DLC1: variants seen among roughly 807,000 people sequenced by gnomAD.
DLC1 encodes DLC1 Rho GTPase activating protein.
Under a neutral mutation model 140.3 loss-of-function variants are expected in DLC1, and 54 were observed. The observed-to-expected ratio is 0.38, with a 90% confidence interval of 0.31 to 0.48. DLC1 has a LOEUF of 0.48. Ranked by LOEUF, DLC1 falls within the 20% of genes least tolerant of loss-of-function variation. The pLI is 0.96. For synonymous variants in DLC1, 986 were observed against 728.1 expected, an observed-to-expected ratio of 1.35 and a Z score of -5.70; for missense variants, 2,536 against 1,907.0, an observed-to-expected ratio of 1.33 and a Z score of -6.14.
chr8:13,459,200 A>G (rs1799545177), intron 2 of DLC1, among the ~76,000 whole-genome samples: 1 of 152,116 alleles, frequency 6.6e-6, no homozygotes, highest in Non-Finnish European at 1.5e-5. Context: ...CTTAATCTCT[A>G]GAGAATTTCT....
At chr8:13,271,422 A>G (rs898081385) in intron 5 of DLC1, among the ~76,000 whole-genome samples, 4 of 152,222 alleles carry the variant, frequency 2.6e-5, no homozygotes, top group East Asian at 3.9e-4. Flanking sequence ...GTGAGAGCCA[A>G]TGTACCACAG....
intron 1 of DLC1, among the ~76,000 whole-genome samples, chr8:13,590,492 T>G (rs1473929698): frequency 6.6e-6 from 1 of 152,100 alleles, no homozygotes; most frequent in Non-Finnish European, 1.5e-5. Flanking sequence ...TATCCAGTTC[T>G]GAGCATCTTG....
At chr8:13,312,502 A>C (rs925910026) in intron 4 of DLC1, among the ~76,000 whole-genome samples, 4 of 151,932 alleles carry the variant, frequency 2.6e-5, no homozygotes, top group Non-Finnish European at 5.9e-5. Flanking sequence ...ATCTCTAAGA[A>C]ATTTACAATT....
chr8:13,363,959 G>C (rs1050639771), intron 4 of DLC1, among the ~76,000 whole-genome samples: 1 of 152,176 alleles, frequency 6.6e-6, no homozygotes, highest in Non-Finnish European at 1.5e-5. Flanking sequence ...GAAGCTCTTT[G>C]AAATGTGAAA....
chr8:13,548,788 G>T (rs1803743229), intron 1 of DLC1, among the ~76,000 whole-genome samples: 2 of 151,968 alleles, frequency 1.3e-5, no homozygotes, highest in Non-Finnish European at 2.9e-5. Context: ...AAGCTTATTT[G>T]GGTTGGTATT....
At chr8:13,595,751 C>T (rs892815098) in intron 1 of DLC1, among the ~76,000 whole-genome samples, 7 of 151,848 alleles carry the variant, frequency 4.6e-5, no homozygotes, top group Admixed American at 4.6e-4. Context: ...CCAAAAATTG[C>T]CTGGGGTTTA....
At chr8:13,469,044 C>A (rs548991326) in intron 2 of DLC1, among the ~76,000 whole-genome samples, 1 of 151,980 alleles carries the variant, frequency 6.6e-6, no homozygotes, top group Non-Finnish European at 1.5e-5. Context: ...TGGTCTCGAA[C>A]GCCTGACCTC....
chr8:13,224,312 G>C (rs972703071), intron 5 of DLC1, among the ~76,000 whole-genome samples: 2 of 152,180 alleles, frequency 1.3e-5, no homozygotes, highest in African/African-American at 4.8e-5. Context: ...GTCATTTTCT[G>C]GAAGATCCTA....
At position 13,092,767 on chromosome 8, in the gene DLC1, G is replaced by A. The variant is rs752507184; in HGVS notation, c.3585C>T (p.Asp1195=). 7.4e-6 allele frequency: 12 copies of A among 1,614,066 alleles called. No individual in the cohort carries two copies. The highest frequency in any genetic ancestry group is 2.7e-5 in the African/African-American group (2 of 75,032). ...AIKAAIMLLP[D]ENREVLQTLL... is the part of the protein sequence containing the mutation. ...GGGTCTGCAGAACCTCCCGGTTCTC[G>A]TCAGGCAGCAGCATGATGGCAGCCT... Residue 1195 remains aspartate (D), a synonymous_variant, in exon 13 of 18, where the codon GAC becomes GAT. Coordinates refer to ENST00000276297, the MANE Select transcript of DLC1 (RefSeq NM_182643.3).
rs936529614 is a variant in DLC1 at position 13,100,143 on chromosome 8, T to A, written c.2194A>T (p.Arg732Trp). The A allele has an allele frequency of 6.2e-7, 1 of 1,614,164 alleles. No homozygotes were observed. The highest frequency in any genetic ancestry group is 8.5e-7 in the Non-Finnish European group (1 of 1,180,028). Residue 732 changes from arginine (R) to tryptophan (W), a missense_variant, in exon 9 of 18, where the codon AGG (arginine) becomes TGG (tryptophan). Arg to Trp is a moderately radical substitution (Grantham distance 101). Transcript: ENST00000276297. The stretch of plus-strand genomic sequence containing the variant: ...GTCTGCGTGGAGTTGGAAACGCTCC[T>A]CTTTCGTACCATGGGGACGTTGATG... ...NRINVPMVRK[R>W]SVSNSTQTSS...
chr8:13,532,185 G>C (rs1445279439), intron 1 of DLC1, among the ~76,000 whole-genome samples: 1 of 152,242 alleles, frequency 6.6e-6, no homozygotes, highest in Non-Finnish European at 1.5e-5. Flanking sequence ...CAGGGGGATA[G>C]CTTGAGCCCA....
At chr8:13,259,139 G>GAAAAAAAAAAAAAAA (rs776038964) in intron 5 of DLC1, among the ~76,000 whole-genome samples, 2 of 66,646 alleles carry the variant, frequency 3.0e-5, no homozygotes, top group Non-Finnish European at 6.4e-5. Flanking sequence ...TCCGTCTCAA[G>GAAAAAAAAAAAAAAA]AAAAAAAAAA....
intron 2 of DLC1, among the ~76,000 whole-genome samples, chr8:13,430,972 T>C (rs1044448251): frequency 3.9e-5 from 6 of 152,188 alleles, no homozygotes; most frequent in Non-Finnish European, 5.9e-5. Context: ...ATGAAACATA[T>C]TGAAAAATTG....
intron 1 of DLC1, among the ~76,000 whole-genome samples, chr8:13,508,139 A>G (rs576778296): frequency 6.6e-6 from 1 of 152,200 alleles, no homozygotes; most frequent in Non-Finnish European, 1.5e-5. Flanking sequence ...GGTTGCTGCT[A>G]TTTAATGTCG....
intron 5 of DLC1, among the ~76,000 whole-genome samples, chr8:13,245,817 C>T (rs1417965114): frequency 2.6e-5 from 4 of 152,146 alleles, no homozygotes; most frequent in Admixed American, 2.0e-4. Context: ...TCTCTTGCCT[C>T]AGCCTCCCAT....
At chr8:13,149,079 A>G (rs1429522533) in intron 5 of DLC1, among the ~76,000 whole-genome samples, 1 of 152,216 alleles carries the variant, frequency 6.6e-6, no homozygotes, top group Non-Finnish European at 1.5e-5. Flanking sequence ...GGTGTGAGCC[A>G]CTGCGCCCAG....
intron 1 of DLC1, among the ~76,000 whole-genome samples, chr8:13,524,065 A>C (rs1448812112): frequency 6.6e-6 from 1 of 150,932 alleles, no homozygotes; most frequent in Non-Finnish European, 1.5e-5. Flanking sequence ...TCAGTCACTC[A>C]GCTAATCTCA....
intron 5 of DLC1, among the ~76,000 whole-genome samples, chr8:13,128,028 A>C (rs1207890353): frequency 1.3e-5 from 2 of 152,048 alleles, no homozygotes; most frequent in African/African-American, 4.8e-5. Flanking sequence ...CGAGGAAAGT[A>C]AGTCTAGTAG....
At chr8:13,205,510 C>CG (rs1563163386) in intron 5 of DLC1, among the ~76,000 whole-genome samples, 3 of 151,830 alleles carry the variant, frequency 2.0e-5, no homozygotes, top group Admixed American at 6.6e-5. Flanking sequence ...TACATAAGGG[C>CG]GGGGGGCCCA....
Sources: allele counts gnomAD v4.1 joint callset (sites outside exome capture counted in the v4.1 genomes callset), GRCh38; gene constraint gnomAD v4.1.1; transcripts MANE v1.5; gene names NCBI Gene and HGNC (gene_info 2026-07-23, HGNC 2026-07-21).